The following NSUN6 variants were observed in gnomAD, a reference collection of about 807,000 sequenced individuals.
NSUN6 encodes the protein NOP2/Sun RNA methyltransferase 6, also known as tRNA (cytosine(72)-C(5))-methyltransferase NSUN6.
A neutral mutation model predicts 58.0 loss-of-function variants in NSUN6; 64 were observed. The ratio of observed to expected loss-of-function variants is 1.10; its 90% CI spans 0.90 to 1.36. The LOEUF is 1.36. NSUN6 is among the 40% of genes most tolerant of loss of function. The probability of loss-of-function intolerance (pLI) is 0.00; values close to 1 mark genes in which losing one functional copy is unlikely to be tolerated. For synonymous variants in NSUN6, 231 were observed against 193.9 expected (o/e 1.19, Z -1.59); for missense variants, 701 against 550.1 (o/e 1.27, Z -2.74).
rs1194478628 is a variant in NSUN6, at chr10:18,556,639, G to A, written c.923-4668C>T. ...ATGGAATGGACATGGAATGGAGAAC[G>A]GAATGGAGAATGGAGTGGGGAATGG... On this transcript the variant is annotated intron_variant, in intron 8 of 10. Transcript: ENST00000377304. Among the ~76,000 whole-genome samples, 8 of 150,772 alleles carry A rather than the reference G, an allele frequency of 5.3e-5. No individual in the cohort carries two copies. In the East Asian group the frequency reaches 1.6e-3, roughly 30 times the overall value.
intron 9 of NSUN6, among the ~76,000 whole-genome samples, chr10:18,548,964 C>T (rs2054449120): frequency 6.6e-6 from 1 of 152,182 alleles, no homozygotes; most frequent in African/African-American, 2.4e-5. Flanking sequence ...ACCACTTCCA[C>T]TATCATTGTG....
chr10:18,630,428 G>A (rs2058986304), intron 3 of NSUN6, among the ~76,000 whole-genome samples: 1 of 151,934 alleles, frequency 6.6e-6, no homozygotes, highest in Admixed American at 6.6e-5. Flanking sequence ...AGGAAATAGA[G>A]ACACAAAAAA....
intron 3 of NSUN6, among the ~76,000 whole-genome samples, chr10:18,636,109 C>G (rs1257214603): frequency 6.6e-6 from 1 of 151,834 alleles, no homozygotes; most frequent in African/African-American, 2.4e-5. Flanking sequence ...CCAGACTCAG[C>G]TAACTTGTTG....
intron 4 of NSUN6, 66 bp downstream of exon 4, chr10:18,616,118 T>C: frequency 1.1e-6 from 1 of 948,000 alleles, no homozygotes; most frequent in Non-Finnish European, 1.7e-6. Context: ...AATCAATAAA[T>C]TTTCCATTTG....
intron 1 of NSUN6, among the ~76,000 whole-genome samples, 174 bp from the exon 2 acceptor site, chr10:18,648,819 T>A (rs530844305): frequency 6.6e-6 from 1 of 152,326 alleles, no homozygotes; most frequent in African/African-American, 2.4e-5. Flanking sequence ...CTTCACGGGG[T>A]TCTTGGGCTT....
At chr10:18,591,624 G>A (rs1466170289) in intron 7 of NSUN6, among the ~76,000 whole-genome samples, 1 of 152,110 alleles carries the variant, frequency 6.6e-6, no homozygotes, top group Non-Finnish European at 1.5e-5. Context: ...AAAACCACAT[G>A]ATTATCTCAA....
At chr10:18,629,038 A>C (rs953193975) in intron 3 of NSUN6, among the ~76,000 whole-genome samples, 11 of 152,258 alleles carry the variant, frequency 7.2e-5, no homozygotes, top group Admixed American at 5.9e-4. Flanking sequence ...GAAGCCCATC[A>C]GACTAACAGC....
At position 18,560,778 on chromosome 10, in the gene NSUN6, A is replaced by G. The variant is rs188211421; in HGVS notation, c.923-8807T>C. ...GAATAGAGAATGGAATGGAGATGGAATAGAGAATGGAATGGTATGGAGAAT... is the reference window on the plus strand; with the variant it reads ...GAATAGAGAATGGAATGGAGATGGAGTAGAGAATGGAATGGTATGGAGAAT... On this transcript the variant is annotated intron_variant, in intron 8 of 10. Coordinates refer to ENST00000377304, the MANE Select transcript of NSUN6 (RefSeq NM_182543.5). 4.8e-3 allele frequency among the ~76,000 whole-genome samples: 719 copies of G among 151,154 alleles called. 3 individuals are homozygous for G. The highest frequency in any genetic ancestry group is 0.014 in the African/African-American group (596 of 41,270).
chr10:18,635,081 G>C (rs1417344490), intron 3 of NSUN6, among the ~76,000 whole-genome samples: 1 of 152,128 alleles, frequency 6.6e-6, no homozygotes, highest in Non-Finnish European at 1.5e-5. Flanking sequence ...GGGGATTTTG[G>C]TATGTGCTAC....
chr10:18,648,346 C>T (rs1383757919), intron 2 of NSUN6, 144 bp downstream of exon 2: 7 of 539,002 alleles, frequency 1.3e-5, no homozygotes, highest in Non-Finnish European at 2.0e-5. Context: ...CCTAGGATAA[C>T]TTTGAAGAAT....
At chr10:18,640,668 G>A (rs561793118) in intron 3 of NSUN6, among the ~76,000 whole-genome samples, 2 of 152,212 alleles carry the variant, frequency 1.3e-5, no homozygotes, top group East Asian at 3.9e-4. Flanking sequence ...CTTGACTGGG[G>A]TGGGTCTTGG....
chr10:18,654,413 C>T (rs1481897070), upstream of NSUN6: 7 of 152,202 alleles, frequency 4.6e-5, no homozygotes. Flanking sequence ...CTCTGGCTAT[C>T]TCCATTCAAG....
intron 6 of NSUN6, among the ~76,000 whole-genome samples, chr10:18,607,844 C>A (rs1564794180): frequency 6.6e-6 from 1 of 152,230 alleles, no homozygotes; most frequent in Non-Finnish European, 1.5e-5. Context: ...CACTGAAAAA[C>A]TACTAATACC....
intron 8 of NSUN6, among the ~76,000 whole-genome samples, chr10:18,561,904 T>C (rs2055541627): frequency 7.7e-6 from 1 of 129,118 alleles, no homozygotes; most frequent in Non-Finnish European, 1.6e-5. Flanking sequence ...GAATGGACAA[T>C]GGAAAGAAAT....
At position 18,648,344 on chromosome 10, in the gene NSUN6, A is replaced by G. The variant is rs1216879760; in HGVS notation, c.231+146T>C. 1.1e-5 allele frequency: 6 copies of G among 533,546 alleles called. No individual in the cohort carries two copies. In the African/African-American group the frequency reaches 1.1e-4, roughly 10 times the overall value. 33.1% of individuals were successfully genotyped at this position (533,546 alleles called of 1,614,324 possible). A position where few individuals can be genotyped will look rare whatever the true frequency, so the allele number is the denominator to read the frequency against. The stretch of plus-strand genomic sequence containing the variant: ...AAGTTCTAGCATTACCACCTAGGAT[A>G]ACTTTGAAGAATTTACCATTCATGG... On this transcript the variant is annotated intron_variant, in intron 2 of 10. Transcript: ENST00000377304.
chr10:18,586,040 C>A lies in NSUN6; in HGVS notation c.831G>T (p.Gln277His). ...KIFNKVEKIK[Q>H]NALLLGLNSI... ...AATTCAGCCCTAACAATAAGGCATTCTGTTTGATTTTTTCTACTTTGTTGA... is the reference window on the plus strand; with the variant it reads ...AATTCAGCCCTAACAATAAGGCATTATGTTTGATTTTTTCTACTTTGTTGA... Residue 277 changes from glutamine to histidine, a missense_variant, in exon 8 of 11, where the codon CAG (glutamine) becomes CAT (histidine). By Grantham distance (24) the Gln-to-His change is conservative. Transcript: ENST00000377304. 2 of 1,610,326 alleles carry A rather than the reference C, an allele frequency of 1.2e-6. No homozygotes were observed. The highest frequency in any genetic ancestry group is 1.1e-5 in the South Asian group (1 of 90,302).
At chr10:18,605,758 A>T (rs1417163430) in intron 6 of NSUN6, among the ~76,000 whole-genome samples, 3 of 152,184 alleles carry the variant, frequency 2.0e-5, no homozygotes, top group African/African-American at 7.2e-5. Flanking sequence ...CAGCATCAAT[A>T]AGTAATGGTA....
At chr10:18,579,559 T>C (rs2056814947) in intron 8 of NSUN6, among the ~76,000 whole-genome samples, 2 of 152,182 alleles carry the variant, frequency 1.3e-5, no homozygotes, top group African/African-American at 4.8e-5. Flanking sequence ...TCAATTTAGA[T>C]AGTTTATTTT....
chr10:18,651,349 A>G lies in NSUN6; in HGVS notation c.-146T>C, dbSNP rs1467229958. On this transcript the variant is annotated 5_prime_UTR_variant, in exon 1 of 11. Coordinates refer to ENST00000377304, the MANE Select transcript of NSUN6 (RefSeq NM_182543.5). ...CGATCACGCTGAGTTAATTTCGGAA[A>G]TGCAGAGGTACACGCTTTCTCAAGC... The G allele has an allele frequency of 3.6e-6, 5 of 1,384,922 alleles. No homozygotes were observed. Among genetic ancestry groups the G allele is most frequent in the Non-Finnish European group, 4.6e-6 (5 of 1,075,948 alleles). The allele number at this position is 1,384,922 out of a possible 1,614,324, so 85.8% of individuals were successfully genotyped here.
Sources: gnomAD v4.1 joint callset for allele counts (sites outside exome capture counted in the v4.1 genomes callset) on GRCh38, gnomAD v4.1.1 for gene constraint, MANE v1.5 for transcripts, NCBI Gene and HGNC (gene_info 2026-07-23, HGNC 2026-07-21) for gene names.